MT4: variants seen among roughly 807,000 people sequenced by gnomAD.
The protein encoded by MT4 is metallothionein 4, also known as metallothionein-4.
In MT4, 11 loss-of-function variants were observed where a neutral mutation model predicts 9.5. That is an observed-to-expected ratio of 1.16 (90% CI 0.73 to 1.92). The LOEUF (loss-of-function observed/expected upper bound fraction) is 1.92, where lower values mean the gene tolerates loss of function less well. Among genes scored for constraint, MT4 ranks in the 30% most tolerant of loss-of-function variants. MT4 has a pLI of 0.00. For synonymous variants in MT4, 29 were observed against 24.6 expected (o/e 1.18, Z -0.53); for missense variants, 88 against 78.7 (o/e 1.12, Z -0.45).
intron 2 of MT4, among the ~76,000 whole-genome samples, chr16:56,568,280 A>G (rs1597047609): frequency 7.9e-6 from 1 of 126,484 alleles, no homozygotes; most frequent in Non-Finnish European, 1.6e-5. Context: ...AGAGAAAGAA[A>G]GAAAGAAAGA....
chr16:56,565,270 G>C, intron 1 of MT4, 111 bp downstream of exon 1: 1 of 1,249,098 alleles, frequency 8.0e-7, no homozygotes, highest in Non-Finnish European at 1.1e-6. Flanking sequence ...AGCCACCAAT[G>C]GGGTTCGTCC....
intron 1 of MT4, among the ~76,000 whole-genome samples, chr16:56,565,417 G>A (rs753795212): frequency 4.6e-5 from 7 of 152,188 alleles, no homozygotes; most frequent in Non-Finnish European, 7.3e-5. Context: ...TCTTTCTAGC[G>A]TTGGCCCCTA....
intron 1 of MT4, among the ~76,000 whole-genome samples, chr16:56,567,154 G>A (rs1443548618): frequency 6.6e-6 from 1 of 151,962 alleles, no homozygotes; most frequent in Non-Finnish European, 1.5e-5. Flanking sequence ...CTCCCTAGTA[G>A]CTGAGATTAC....
chr16:56,565,133 A>G lies in MT4; in HGVS notation c.5A>G (p.Asp2Gly). 1.2e-6 allele frequency: 2 copies of G among 1,612,818 alleles called. No homozygotes were observed. The highest frequency in any genetic ancestry group is 1.7e-6 in the Non-Finnish European group (2 of 1,179,476). Residue 2 changes from aspartate (D) to glycine (G), a missense_variant, in exon 1 of 3, where the codon GAC becomes GGC. Physicochemically the swap from Asp to Gly is moderately conservative, Grantham distance 94. Coordinates refer to ENST00000219162, the MANE Select transcript of MT4 (RefSeq NM_032935.3). Reference sequence around the variant, plus strand: ...AGCCTTTCGGACACCTGGACCATGGACCCCAGGGAATGTGTCTGCATGTCT... The same window carrying G: ...AGCCTTTCGGACACCTGGACCATGGGCCCCAGGGAATGTGTCTGCATGTCT... M[D>G]PRECVCMSGG...
intron 2 of MT4, among the ~76,000 whole-genome samples, chr16:56,568,239 GA>G (rs1491468391): frequency 2.4e-5 from 1 of 41,276 alleles, no homozygotes; most frequent in East Asian, 7.3e-4. Context: ...AAGAAAGAAA[GA>G]AAGAAAGAAA....
At chr16:56,566,769 GGAAAGAAAGAAAGAAAGAAAGAAA>G (rs1162747493) in intron 1 of MT4, among the ~76,000 whole-genome samples, 1 of 36,902 alleles carries the variant, frequency 2.7e-5, no homozygotes, top group Non-Finnish European at 6.2e-5. Flanking sequence ...AAGGAAGGAA[GGAAAGAAAGAAAGAAAGAAAGAAA>G]GAAAGAAAGA....
At chr16:56,568,271 G>GAGAAAGAAAGAAAGAA (rs58324349) in intron 2 of MT4, among the ~76,000 whole-genome samples, 16 of 58,630 alleles carry the variant, frequency 2.7e-4, no homozygotes, top group South Asian at 8.3e-4. Flanking sequence ...GAGAGAGAGA[G>GAGAAAGAAAGAAAGAA]AGAAAGAAAG....
chr16:56,565,499 G>C (rs1046864649), intron 1 of MT4, among the ~76,000 whole-genome samples: 1 of 152,164 alleles, frequency 6.6e-6, no homozygotes, highest in South Asian at 2.1e-4. Flanking sequence ...CCATTGCTGC[G>C]GTCCCCTCCC....
chr16:56,566,819 A>AAGGAAGGAAGGAAGGAAGGAAAG (rs1567330038), intron 1 of MT4, among the ~76,000 whole-genome samples: 5 of 52,532 alleles, frequency 9.5e-5, no homozygotes, highest in Non-Finnish European at 2.0e-4. Context: ...AGAAAGAAAG[A>AAGGAAGGAAGGAAGGAAGGAAAG]AAAGAAAGAA....
intron 2 of MT4, among the ~76,000 whole-genome samples, chr16:56,568,160 A>AAAGG (rs1959560859): frequency 3.4e-5 from 5 of 149,162 alleles, no homozygotes; most frequent in Admixed American, 2.0e-4. Flanking sequence ...TCAAAAAAGA[A>AAAGG]AAGGAAGGAA....
chr16:56,566,725 AGAAAGAAAGAAAGAAAGAAAGAAG>A lies in MT4; in HGVS notation c.32-1022_32-999del, dbSNP rs1281864708. Among the ~76,000 whole-genome samples, 100 of 25,082 alleles carry A rather than the reference AGAAAGAAAGAAAGAAAGAAAGAAG, an allele frequency of 4.0e-3. 1 individual carries two copies. The highest frequency in any genetic ancestry group is 0.01 in the African/African-American group (91 of 8,894). 16.5% of individuals were successfully genotyped at this position (25,082 alleles called of 152,430 possible). Reference sequence around the variant, plus strand: ...GAGAAAGAAAGAAAGAAAGAAAGAAAGAAAGAAAGAAAGAAAGAAAGAAGGAAGGAAGGAAGGAAGGAAGGAAAG... The same window carrying A: ...GAGAAAGAAAGAAAGAAAGAAAGAAAGAAGGAAGGAAGGAAGGAAGGAAAG... On this transcript the variant is annotated intron_variant, in intron 1 of 2. Coordinates refer to ENST00000219162, the MANE Select transcript of MT4 (RefSeq NM_032935.3).
Position 56,567,829 on chromosome 16 carries a change from A to T in MT4, c.97+13A>T, listed in dbSNP as rs1959555911. On this transcript the variant is annotated intron_variant, in intron 2 of 2. Transcript: ENST00000219162. ...ACATATTGGAAGAGTGAGTATGGTG[A>T]CTGGGGGCACCATGGGCTGGGAGTT... 2 of 1,602,914 alleles carry T rather than the reference A, an allele frequency of 1.2e-6. No individual in the cohort carries two copies. The highest frequency in any genetic ancestry group is 4.5e-5 in the East Asian group (2 of 44,748).
At chr16:56,567,633 A>T in intron 1 of MT4, 118 bp from the exon 2 acceptor site, 1 of 893,730 alleles carries the variant, frequency 1.1e-6, no homozygotes, top group Non-Finnish European at 1.8e-6. Flanking sequence ...CCTCTTGTCC[A>T]GCCAGTCCCC....
At chr16:56,567,401 T>C (rs1329456055) in intron 1 of MT4, among the ~76,000 whole-genome samples, 1 of 152,124 alleles carries the variant, frequency 6.6e-6, no homozygotes, top group Non-Finnish European at 1.5e-5. Flanking sequence ...TTGGTTCTCA[T>C]TGTACATAAG....
intron 1 of MT4, 110 bp from the exon 2 acceptor site, chr16:56,567,641 C>T: frequency 1.0e-6 from 1 of 989,426 alleles, no homozygotes; most frequent in South Asian, 1.4e-5. Flanking sequence ...CCAGCCAGTC[C>T]CCAAGGATAT....
At chr16:56,566,851 G>GAAATAAATAAAT (rs1959543050) in intron 1 of MT4, among the ~76,000 whole-genome samples, 1 of 144,940 alleles carries the variant, frequency 6.9e-6, no homozygotes, top group Admixed American at 6.9e-5. Flanking sequence ...AAGAAAGAAA[G>GAAATAAATAAAT]AAAGAAATGA....
chr16:56,566,360 A>G (rs1302352423), intron 1 of MT4, among the ~76,000 whole-genome samples: 5 of 151,988 alleles, frequency 3.3e-5, no homozygotes, highest in Non-Finnish European at 5.9e-5. Context: ...CCCTGTTTCT[A>G]CAAAAACTTT....
chr16:56,568,743 C>A, intron 2 of MT4, 98 bp from the exon 3 acceptor site: 2 of 811,562 alleles, frequency 2.5e-6, no homozygotes, highest in Non-Finnish European at 3.9e-6. Context: ...CTCATGCACA[C>A]ACCCCTCTTT....
chr16:56,566,763 AAGG>A (rs1481548770), intron 1 of MT4, among the ~76,000 whole-genome samples: 1 of 72,546 alleles, frequency 1.4e-5, no homozygotes, highest in Non-Finnish European at 3.0e-5. Flanking sequence ...GGAAGGAAGG[AAGG>A]AAGGAAAGAA....
Sources: gnomAD v4.1 joint callset for allele counts (sites outside exome capture counted in the v4.1 genomes callset) on GRCh38, gnomAD v4.1.1 for gene constraint, MANE v1.5 for transcripts, NCBI Gene and HGNC (gene_info 2026-07-23, HGNC 2026-07-21) for gene names.